Variants in SDHA observed in about 807,000 individuals in gnomAD.
The protein encoded by SDHA is succinate dehydrogenase complex flavoprotein subunit A, also known as succinate dehydrogenase [ubiquinone] flavoprotein subunit, mitochondrial.
A neutral mutation model predicts 78.4 loss-of-function variants in SDHA; 48 were observed. That is an observed-to-expected ratio of 0.61 (90% CI 0.49 to 0.78). The LOEUF (loss-of-function observed/expected upper bound fraction) is 0.78, where lower values mean the gene tolerates loss of function less well. Among genes scored for constraint, SDHA ranks in the 30% least tolerant of loss-of-function variants. SDHA has a pLI of 0.00. For missense variants in SDHA, 680 were observed against 892.7 expected (o/e 0.76, Z 3.04); for synonymous variants, 326 against 353.9 (o/e 0.92, Z 0.88).
At chr5:245,451 AG>A (rs1422845230) in intron 11 of SDHA, among the ~76,000 whole-genome samples, 1 of 152,248 alleles carries the variant, frequency 6.6e-6, no homozygotes, top group African/African-American at 2.4e-5. Flanking sequence ...TGTTGCGACA[AG>A]GCATGTTAAA....
intron 4 of SDHA, 82 bp downstream of exon 4, chr5:225,644 G>A (rs1156265966): frequency 2.5e-6 from 4 of 1,595,058 alleles, no homozygotes; most frequent in Admixed American, 3.3e-5. Context: ...AGCAATTGAG[G>A]CGGATGTGGC....
At chr5:255,026 G>A (rs539248809) in intron 14 of SDHA, among the ~76,000 whole-genome samples, 56 of 147,628 alleles carry the variant, frequency 3.8e-4, no homozygotes, top group Admixed American at 8.8e-4. Flanking sequence ...ATGGAGGTGG[G>A]GTTGGGGTGA....
downstream of SDHA, among the ~76,000 whole-genome samples, chr5:257,157 A>G (rs1310242124): frequency 2.0e-5 from 3 of 152,164 alleles, no homozygotes; most frequent in African/African-American, 7.2e-5. Flanking sequence ...GAAAACTAAC[A>G]TTTCCTCCTT....
At chr5:260,078 G>C (rs377294371), downstream of SDHA, among the ~76,000 whole-genome samples, 3 of 24,178 alleles carry the variant, frequency 1.2e-4, no homozygotes, top group Non-Finnish European at 2.1e-4. Context: ...TCCGCCTCCC[G>C]TCAGAGCATT....
chr5:263,524 G>A, the SDHA span, among the ~76,000 whole-genome samples: 13 of 152,218 alleles, frequency 8.5e-5, no homozygotes, highest in Non-Finnish European at 1.8e-4. Flanking sequence ...CAGATCCGTG[G>A]TTCCCTGCAG....
At chr5:259,277 C>T (rs1405758990), downstream of SDHA, among the ~76,000 whole-genome samples, 2 of 48,844 alleles carry the variant, frequency 4.1e-5, no homozygotes, top group Non-Finnish European at 7.6e-5. Flanking sequence ...CTCCGCCTCC[C>T]GCCAGAGCAT....
chr5:253,499 C>T (rs1417164919), intron 13 of SDHA, among the ~76,000 whole-genome samples: 2 of 151,992 alleles, frequency 1.3e-5, no homozygotes, highest in African/African-American at 2.4e-5. Flanking sequence ...AGTGCAGTGG[C>T]GTGATCTCAG....
chr5:220,063 A>G (rs530859912), intron 1 of SDHA, among the ~76,000 whole-genome samples: 1 of 152,368 alleles, frequency 6.6e-6, no homozygotes, highest in East Asian at 1.9e-4. Flanking sequence ...GTGATAGCCA[A>G]CTGAGAAATG....
At chr5:257,597 T>G (rs419219), downstream of SDHA, among the ~76,000 whole-genome samples, 11 of 101,210 alleles carry the variant, frequency 1.1e-4, no homozygotes, top group East Asian at 2.9e-4. Flanking sequence ...GAGCATTACC[T>G]TGTGAGCTCC....
chr5:265,579 A>T, the SDHA span, among the ~76,000 whole-genome samples: 1 of 152,204 alleles, frequency 6.6e-6, no homozygotes, highest in Non-Finnish European at 1.5e-5. Flanking sequence ...TTACAGAAGA[A>T]TTCCTGCAAA....
rs1126427 is a variant in SDHA at position 251,084 on chromosome 5, C to T, written c.1644C>T (p.His548=). ...GCAAGCTCTATGGAGACCTAAAGCACCTGAAGACGTTCGACCGGGGTGAGC... is the reference window on the plus strand; with the variant it reads ...GCAAGCTCTATGGAGACCTAAAGCATCTGAAGACGTTCGACCGGGGTGAGC... The part of the protein sequence containing the change: ...KISKLYGDLK[H]LKTFDRGMVW... Residue 548 remains histidine (H), a synonymous_variant, in exon 12 of 15, where the codon CAC becomes CAT. Transcript: ENST00000264932. 9.3e-6 allele frequency: 15 copies of T among 1,611,872 alleles called. No individual in the cohort carries two copies. The highest frequency in any genetic ancestry group is 1.7e-5 in the Admixed American group (1 of 60,000).
chr5:246,573 A>G (rs1314275474), intron 11 of SDHA, among the ~76,000 whole-genome samples: 1 of 152,276 alleles, frequency 6.6e-6, no homozygotes, highest in East Asian at 1.9e-4. Context: ...AGAAGGCTCT[A>G]GATTTGCTAA....
At position 235,193 on chromosome 5, in the gene SDHA, C is replaced by G. The variant is rs1364686808; in HGVS notation, c.1114C>G (p.Pro372Ala). ...CGTCTACCTGCAGCTGCACCACCTACCTCCAGAGCAGCTGGCCACGCGCCT... is the reference window on the plus strand; with the variant it reads ...CGTCTACCTGCAGCTGCACCACCTAGCTCCAGAGCAGCTGGCCACGCGCCT... ...DHVYLQLHHL[P>A]PEQLATRLPG... The change falls in exon 9 of 15, where the codon CCT becomes GCT. Residue 372 changes from proline (P) to alanine (A), a missense_variant. Pro to Ala is a conservative substitution (Grantham distance 27). Coordinates refer to ENST00000264932, the MANE Select transcript of SDHA (RefSeq NM_004168.4). 6.2e-7 allele frequency: 1 copy of G among 1,614,018 alleles called. No individual in the cohort carries two copies. The highest frequency in any genetic ancestry group is 8.5e-7 in the Non-Finnish European group (1 of 1,179,870).
At chr5:236,123 C>G in intron 9 of SDHA, 1 of 411,130 alleles carries the variant, frequency 2.4e-6, no homozygotes, top group Non-Finnish European at 4.6e-6. Flanking sequence ...CTCCCAGGTT[C>G]AAGTGATTTT....
chr5:250,971 A>C lies in SDHA; in HGVS notation c.1552-21A>C, dbSNP rs764220890. Reference sequence around the variant, plus strand: ...CTGCTTCTATGGATTAAAAGTTTACAAATAATATTTTGTGCCACAGTCAAT... The same window carrying C: ...CTGCTTCTATGGATTAAAAGTTTACCAATAATATTTTGTGCCACAGTCAAT... On this transcript the variant is annotated intron_variant, in intron 11 of 14. Coordinates refer to ENST00000264932, the MANE Select transcript of SDHA (RefSeq NM_004168.4). The C allele has an allele frequency of 5.0e-6, 8 of 1,603,328 alleles. No individual in the cohort carries two copies. The African/African-American group carries it at 1.1e-4, about 21-fold the overall frequency.
At chr5:233,891 C>T (rs538598738) in intron 8 of SDHA, 8 of 477,830 alleles carry the variant, frequency 1.7e-5, no homozygotes, top group African/African-American at 5.9e-5. Context: ...GAGTATGTGA[C>T]GGAGTATGGG....
chr5:268,455 C>T, the SDHA span, among the ~76,000 whole-genome samples: 2 of 151,906 alleles, frequency 1.3e-5, no homozygotes, highest in African/African-American at 2.4e-5. Context: ...TGTGAGCCAC[C>T]GCGCCTGGCC....
chr5:243,764 T>C lies in SDHA; in HGVS notation c.1551+3288T>C, dbSNP rs570963223. The stretch of plus-strand genomic sequence containing the variant: ...GATTGCCAGGCTGCTCTGTGACCTA[T>C]CAGAGGGAAAGCACACTTAGTTGAT... On this transcript the variant is annotated intron_variant, in intron 11 of 14. Coordinates refer to ENST00000264932, the MANE Select transcript of SDHA (RefSeq NM_004168.4). Among the ~76,000 whole-genome samples the C allele has an allele frequency of 9.9e-5, 15 of 152,278 alleles. No individual in the cohort carries two copies. In the East Asian group the frequency reaches 2.9e-3, roughly 29 times the overall value.
chr5:265,863 G>A, the SDHA span, among the ~76,000 whole-genome samples: 1 of 150,952 alleles, frequency 6.6e-6, no homozygotes, highest in Non-Finnish European at 1.5e-5. Context: ...CCAATGCTGT[G>A]GTTCTCTAAC....
Sources: gnomAD v4.1 joint callset for allele counts (sites outside exome capture counted in the v4.1 genomes callset) on GRCh38, gnomAD v4.1.1 for gene constraint, MANE v1.5 for transcripts, NCBI Gene and HGNC (gene_info 2026-07-23, HGNC 2026-07-21) for gene names.